FRMD3: variants seen among roughly 807,000 people sequenced by gnomAD.
FRMD3 encodes FERM domain containing 3.
A neutral mutation model predicts 70.2 loss-of-function variants in FRMD3; 33 were observed. That is an observed-to-expected ratio of 0.47 (90% CI 0.36 to 0.63). The LOEUF (loss-of-function observed/expected upper bound fraction) is 0.63. Ranked by LOEUF, FRMD3 falls within the 20% of genes least tolerant of loss-of-function variation. The probability of loss-of-function intolerance (pLI) is 0.00; values close to 1 mark genes in which losing one functional copy is unlikely to be tolerated. For synonymous variants in FRMD3, 279 were observed against 255.9 expected (o/e 1.09, Z -0.86); for missense variants, 632 against 711.4 (o/e 0.89, Z 1.27).
chr9:83,272,901 C>T (rs1307594021), intron 13 of FRMD3, among the ~76,000 whole-genome samples: 3 of 148,490 alleles, frequency 2.0e-5, no homozygotes, highest in East Asian at 2.1e-4. Flanking sequence ...CCCCTCCGCC[C>T]GGCAGCCGCC....
chr9:83,483,300 T>C (rs1417253742), intron 1 of FRMD3, among the ~76,000 whole-genome samples: 1 of 152,166 alleles, frequency 6.6e-6, no homozygotes, highest in Non-Finnish European at 1.5e-5. Flanking sequence ...GTAAGTTTCC[T>C]AAGGCCTTCC....
chr9:83,343,142 G>A, intron 5 of FRMD3, 48 bp downstream of exon 5: 10 of 1,319,756 alleles, frequency 7.6e-6, no homozygotes, highest in Non-Finnish European at 1.1e-5. Context: ...GAAACAGCCA[G>A]AGCTCCACAG....
intron 1 of FRMD3, among the ~76,000 whole-genome samples, chr9:83,524,528 T>G (rs1829645848): frequency 6.6e-6 from 1 of 152,208 alleles, no homozygotes; most frequent in Admixed American, 6.5e-5. Flanking sequence ...GATCTGTGTA[T>G]GGCTTTTCTC....
rs886427059 is a variant in FRMD3, at chr9:83,418,474, T to C, written c.148-28766A>G. Among the ~76,000 whole-genome samples, 3 of 151,484 alleles carry C rather than the reference T, an allele frequency of 2.0e-5. No individual in the cohort carries two copies. In the South Asian group the frequency reaches 6.3e-4, roughly 32 times the overall value. On this transcript the variant is annotated intron_variant, in intron 1 of 13. Coordinates refer to ENST00000304195, the MANE Select transcript of FRMD3 (RefSeq NM_174938.6). Reference sequence around the variant, plus strand: ...TTAAAAAGTGGGCAAATATTATGAATAGACATTGTTCAAAAGAAGATATGC... The same window carrying C: ...TTAAAAAGTGGGCAAATATTATGAACAGACATTGTTCAAAAGAAGATATGC...
intron 1 of FRMD3, among the ~76,000 whole-genome samples, chr9:83,434,819 C>CCCT (rs1827086409): frequency 1.3e-5 from 1 of 74,878 alleles, no homozygotes; most frequent in African/African-American, 5.8e-5. Context: ...CACCCCTCTG[C>CCCT]TTTTTTTTTT....
the FRMD3 span, among the ~76,000 whole-genome samples, chr9:83,556,201 GA>G: frequency 7.0e-5 from 10 of 143,630 alleles, no homozygotes; most frequent in South Asian, 2.2e-4. Flanking sequence ...CTAGCCTTTT[GA>G]AAAAAAAAAC....
chr9:83,290,870 CG>C, intron 12 of FRMD3, 143 bp from the exon 13 acceptor site: 1 of 853,464 alleles, frequency 1.2e-6, no homozygotes, highest in Non-Finnish European at 1.8e-6. Flanking sequence ...GTAAAGATGA[CG>C]TAACATTCAA....
intron 4 of FRMD3, among the ~76,000 whole-genome samples, chr9:83,343,690 C>T (rs1031155243): frequency 2.6e-5 from 4 of 152,204 alleles, no homozygotes; most frequent in Admixed American, 2.6e-4. Flanking sequence ...AGCCAGGAAA[C>T]GGACTCAATC....
chr9:83,299,007 A>T (rs1564002233), intron 11 of FRMD3, 105 bp downstream of exon 11: 8 of 988,418 alleles, frequency 8.1e-6, no homozygotes, highest in Non-Finnish European at 1.3e-5. Flanking sequence ...TGGAAGACTC[A>T]AACAGAGGCA....
At chr9:83,352,914 C>G (rs1393254652) in intron 3 of FRMD3, among the ~76,000 whole-genome samples, 1 of 152,148 alleles carries the variant, frequency 6.6e-6, no homozygotes, top group Admixed American at 6.5e-5. Context: ...CCACTATGTT[C>G]CTGACATCTC....
At chr9:83,266,851 C>A (rs924145578) in intron 13 of FRMD3, among the ~76,000 whole-genome samples, 1 of 152,114 alleles carries the variant, frequency 6.6e-6, no homozygotes, top group African/African-American at 2.4e-5. Context: ...ACCCTCCTTC[C>A]CACTCGTCTC....
Position 83,247,328 on chromosome 9 carries a change from A to G in FRMD3, c.*590T>C, listed in dbSNP as rs1832152875. On this transcript the variant is annotated 3_prime_UTR_variant, in exon 14 of 14. Coordinates refer to ENST00000304195, the MANE Select transcript of FRMD3 (RefSeq NM_174938.6). ...GCCAAAACATTAAAAAAATTCTGAT[A>G]TACCTTTTGTGCATTAGTCTTACAA... 1.0e-6 allele frequency: 1 copy of G among 984,686 alleles called. No individual in the cohort carries two copies. Among genetic ancestry groups the G allele is most frequent in the Non-Finnish European group, 1.2e-6 (1 of 829,506 alleles). 61.0% of individuals were successfully genotyped at this position (984,686 alleles called of 1,614,324 possible).
At chr9:83,514,229 C>A (rs1313700418) in intron 1 of FRMD3, among the ~76,000 whole-genome samples, 2 of 152,180 alleles carry the variant, frequency 1.3e-5, no homozygotes, top group Non-Finnish European at 2.9e-5. Context: ...ATTCTCACTG[C>A]CAGCACAGCA....
At chr9:83,433,089 A>C (rs966639433) in intron 1 of FRMD3, among the ~76,000 whole-genome samples, 1 of 152,208 alleles carries the variant, frequency 6.6e-6, no homozygotes. Flanking sequence ...GTGGCTGAGT[A>C]GTATTCCTTG....
At chr9:83,548,143 A>C in the FRMD3 span, among the ~76,000 whole-genome samples, 2 of 152,214 alleles carry the variant, frequency 1.3e-5, no homozygotes, top group Non-Finnish European at 2.9e-5. Flanking sequence ...TGGTACAGCC[A>C]CTTTGAAAGA....
chr9:83,480,588 C>A (rs1259822130), intron 1 of FRMD3, among the ~76,000 whole-genome samples: 1 of 151,514 alleles, frequency 6.6e-6, no homozygotes, highest in Non-Finnish European at 1.5e-5. Context: ...CTCCATCTCC[C>A]GGGTTCAAGT....
chr9:83,250,830 C>A (rs1832376754), intron 13 of FRMD3, among the ~76,000 whole-genome samples: 1 of 152,200 alleles, frequency 6.6e-6, no homozygotes, highest in Admixed American at 6.5e-5. Flanking sequence ...CCCATTCCAG[C>A]CAGGGTTCTA....
the FRMD3 span, among the ~76,000 whole-genome samples, chr9:83,550,386 C>T: frequency 5.9e-5 from 9 of 151,820 alleles, no homozygotes; most frequent in African/African-American, 1.9e-4. Context: ...ACATGATTCC[C>T]CCACCTTTGT....
intron 1 of FRMD3, among the ~76,000 whole-genome samples, chr9:83,400,048 G>A (rs1400755907): frequency 6.6e-6 from 1 of 151,896 alleles, no homozygotes; most frequent in Non-Finnish European, 1.5e-5. Flanking sequence ...AGAGAGAAAA[G>A]AAAAGAAAAA....
Sources: gnomAD v4.1 joint callset for allele counts (sites outside exome capture counted in the v4.1 genomes callset) on GRCh38, gnomAD v4.1.1 for gene constraint, MANE v1.5 for transcripts, NCBI Gene and HGNC (gene_info 2026-07-23, HGNC 2026-07-21) for gene names.